The following SPON1 variants were observed in gnomAD, a reference collection of about 807,000 sequenced individuals.
SPON1 encodes spondin 1, also known as spondin-1.
A neutral mutation model predicts 111.7 loss-of-function variants in SPON1; 52 were observed. The observed-to-expected ratio is 0.47, with a 90% CI of 0.37 to 0.59. SPON1 has a LOEUF of 0.59. Among genes scored for constraint, SPON1 ranks in the 20% least tolerant of loss-of-function variants. The pLI, the probability that SPON1 is intolerant of heterozygous loss-of-function variation, is 0.00. For missense variants in SPON1, 957 were observed against 1,068.5 expected (o/e 0.90, Z 1.46); for synonymous variants, 410 against 395.8 (o/e 1.04, Z -0.43).
chr11:14,125,519 C>A (rs1306342763), intron 5 of SPON1, among the ~76,000 whole-genome samples: 1 of 152,138 alleles, frequency 6.6e-6, no homozygotes, highest in East Asian at 1.9e-4. Context: ...CAAAGATTTG[C>A]TGAAAAGTAC....
chr11:14,007,425 G>A (rs1474017707), intron 2 of SPON1, among the ~76,000 whole-genome samples: 3 of 152,160 alleles, frequency 2.0e-5, no homozygotes, highest in African/African-American at 7.2e-5. Flanking sequence ...TCCAGCATGG[G>A]AGAAAGATGT....
chr11:14,183,782 T>TA (rs2133888454), intron 6 of SPON1, among the ~76,000 whole-genome samples: 1 of 125,670 alleles, frequency 8.0e-6, no homozygotes, highest in South Asian at 2.7e-4. Context: ...GATCTGACTC[T>TA]AAAGATATGG....
chr11:14,232,395 A>G lies in SPON1; in HGVS notation c.826-10937A>G, dbSNP rs185078620. 8.4e-4 allele frequency among the ~76,000 whole-genome samples: 128 copies of G among 152,282 alleles called. 1 individual carries two copies. Among genetic ancestry groups the G allele is most frequent in the African/African-American group, 2.6e-3 (107 of 41,568 alleles). On this transcript the variant is annotated intron_variant, in intron 6 of 15. Transcript: ENST00000576479. ...CTGGCACAGACTAGGGGCTCCATCT[A>G]TCATTGCTGGATGAATGAGTCCTCA...
intron 5 of SPON1, among the ~76,000 whole-genome samples, chr11:14,127,054 A>G (rs1847467958): frequency 6.6e-6 from 1 of 152,152 alleles, no homozygotes; most frequent in African/African-American, 2.4e-5. Context: ...TGCCTTACAG[A>G]AATGTGTCTG....
intron 1 of SPON1, among the ~76,000 whole-genome samples, chr11:13,976,886 C>A (rs1449633047): frequency 6.6e-6 from 1 of 152,138 alleles, no homozygotes; most frequent in East Asian, 1.9e-4. Context: ...ACTGTCCTGA[C>A]CTCTAGCACC....
At chr11:14,103,059 T>G (rs1212358167) in intron 5 of SPON1, among the ~76,000 whole-genome samples, 5 of 152,074 alleles carry the variant, frequency 3.3e-5, no homozygotes, top group Non-Finnish European at 7.4e-5. Flanking sequence ...TGCCTGGTAG[T>G]GTATGATGGG....
intron 2 of SPON1, among the ~76,000 whole-genome samples, chr11:14,013,048 C>T (rs1400452054): frequency 6.6e-6 from 1 of 152,158 alleles, no homozygotes; most frequent in African/African-American, 2.4e-5. Flanking sequence ...TAACGGCAAC[C>T]TCATCTTCTA....
Position 14,117,315 on chromosome 11 carries a change from G to A in SPON1, c.677-18105G>A, listed in dbSNP as rs180748843. ...CATCATTAAGTAAGATTATTGCTAT[G>A]GCTTTTTTGTAAATATTTTTATCAC... On this transcript the variant is annotated intron_variant, in intron 5 of 15. Transcript: ENST00000576479. Among the ~76,000 whole-genome samples the A allele has an allele frequency of 2.3e-3, 349 of 152,118 alleles. 1 individual carries two copies. Among genetic ancestry groups the A allele is most frequent in the African/African-American group, 7.6e-3 (314 of 41,514 alleles).
At chr11:14,084,583 G>C (rs1206053736) in intron 5 of SPON1, among the ~76,000 whole-genome samples, 4 of 152,088 alleles carry the variant, frequency 2.6e-5, no homozygotes, top group African/African-American at 9.7e-5. Context: ...AGTCTTTGCT[G>C]TTGTAAACAG....
intron 6 of SPON1, among the ~76,000 whole-genome samples, chr11:14,199,901 T>C (rs769823347): frequency 6.6e-6 from 1 of 152,214 alleles, no homozygotes; most frequent in Non-Finnish European, 1.5e-5. Context: ...TATTCACATC[T>C]GCAACCTCAT....
chr11:14,029,075 G>C (rs1284970629), intron 2 of SPON1, among the ~76,000 whole-genome samples: 4 of 151,998 alleles, frequency 2.6e-5, no homozygotes, highest in Non-Finnish European at 5.9e-5. Flanking sequence ...TGGAAGATGA[G>C]GCTTTCTATT....
At chr11:13,981,965 G>A (rs782063890) in intron 1 of SPON1, among the ~76,000 whole-genome samples, 3 of 152,144 alleles carry the variant, frequency 2.0e-5, no homozygotes, top group Non-Finnish European at 2.9e-5. Flanking sequence ...GAGTATAGCA[G>A]TACTCCCTTA....
chr11:14,040,791 G>C (rs1848625770), intron 2 of SPON1, among the ~76,000 whole-genome samples: 1 of 151,932 alleles, frequency 6.6e-6, no homozygotes, highest in Admixed American at 6.6e-5. Flanking sequence ...ATTGGAGTTG[G>C]CACTTAAAAC....
chr11:14,072,712 T>A (rs1263356815), intron 3 of SPON1, among the ~76,000 whole-genome samples: 2 of 152,178 alleles, frequency 1.3e-5, no homozygotes, highest in Non-Finnish European at 2.9e-5. Context: ...TTTTTAAATG[T>A]TTTTAGCAAG....
chr11:14,175,338 T>C (rs1554932976), intron 6 of SPON1, among the ~76,000 whole-genome samples: 1 of 152,204 alleles, frequency 6.6e-6, no homozygotes, highest in East Asian at 1.9e-4. Context: ...TATTCCCACA[T>C]GGTCACTAAG....
intron 5 of SPON1, among the ~76,000 whole-genome samples, chr11:14,095,407 GATAGA>G (rs1849091900): frequency 2.3e-5 from 1 of 44,080 alleles, no homozygotes; most frequent in African/African-American, 1.1e-4. Context: ...TGAGAGACTA[GATAGA>G]TAGATAGATA....
rs188166473 is a variant in SPON1 at position 14,062,700 on chromosome 11, G to A, written c.480-12645G>A. On this transcript the variant is annotated intron_variant, in intron 3 of 15. Coordinates refer to ENST00000576479, the MANE Select transcript of SPON1 (RefSeq NM_006108.4). ...AAAAGATTGTTGCCAAATATCCTCCGAGGATAAGAATTCTGCTAGTTGACT... is the reference window on the plus strand; with the variant it reads ...AAAAGATTGTTGCCAAATATCCTCCAAGGATAAGAATTCTGCTAGTTGACT... Among the ~76,000 whole-genome samples the A allele has an allele frequency of 8.5e-5, 13 of 152,304 alleles. No homozygotes were observed. The East Asian group carries it at 2.3e-3, about 27-fold the overall frequency.
chr11:14,166,972 A>G (rs574611881), intron 6 of SPON1, among the ~76,000 whole-genome samples: 14 of 152,270 alleles, frequency 9.2e-5, no homozygotes, highest in African/African-American at 3.4e-4. Flanking sequence ...ATTTTAGGGC[A>G]GCCACAGTTA....
At chr11:14,026,710 G>A (rs1235987096) in intron 2 of SPON1, among the ~76,000 whole-genome samples, 10 of 152,212 alleles carry the variant, frequency 6.6e-5, no homozygotes, top group Non-Finnish European at 1.3e-4. Flanking sequence ...TCAGTCTGCT[G>A]GAAATGTCAT....
Sources: allele counts gnomAD v4.1 joint callset (sites outside exome capture counted in the v4.1 genomes callset), GRCh38; gene constraint gnomAD v4.1.1; transcripts MANE v1.5; gene names NCBI Gene and HGNC (gene_info 2026-07-23, HGNC 2026-07-21).